The following NAV1 variants were observed in gnomAD, a reference collection of about 807,000 sequenced individuals.
NAV1 encodes pore membrane and/or filament interacting like protein 3.
In NAV1, 18 loss-of-function variants were observed where a neutral mutation model predicts 175.2. The observed-to-expected ratio is 0.10, with a 90% CI of 0.07 to 0.15. NAV1 has a LOEUF of 0.15. NAV1 is among the 10% of genes least tolerant of loss of function. NAV1 has a pLI of 1.00. For synonymous variants in NAV1, 897 were observed against 978.7 expected (o/e 0.92, Z 1.56); for missense variants, 1,731 against 2,436.6 (o/e 0.71, Z 6.10).
rs1678398694 is a variant in NAV1, at chr1:201,807,831, T to A, written c.3649-122T>A. 1.1e-6 allele frequency: 1 copy of A among 883,966 alleles called. No individual in the cohort carries two copies. The highest frequency in any genetic ancestry group is 1.7e-5 in the African/African-American group (1 of 59,774). The allele number at this position is 883,966 out of a possible 1,614,324, so 54.8% of individuals were successfully genotyped here. A position where few individuals can be genotyped will look rare whatever the true frequency, so the allele number is the denominator to read the frequency against. Reference sequence around the variant, plus strand: ...GAATCAAGTGAAGTGTTATAGAGGGTGGCTTAATTAAAGTAAATCCCCCGC... The same window carrying A: ...GAATCAAGTGAAGTGTTATAGAGGGAGGCTTAATTAAAGTAAATCCCCCGC... On this transcript the variant is annotated intron_variant, in intron 17 of 29. Transcript: ENST00000367296. This position sits in a 1 kb window ranked among gnomAD's most constrained non-coding sequence, Gnocchi z 5.4.
chr1:201,781,015 C>A, exon 5 of NAV1: 8 of 1,607,242 alleles, frequency 5.0e-6, no homozygotes, highest in Non-Finnish European at 5.9e-6. Flanking sequence ...TCTTTAGCTA[C>A]GCACAGACTC....
chr1:201,649,545 C>G (rs1669106206), intron 1 of NAV1, 120 bp downstream of exon 5: 3 of 1,411,278 alleles, frequency 2.1e-6, no homozygotes, highest in South Asian at 3.0e-5. Context: ...CTCCTGTTCA[C>G]GATCAGGCTG....
At chr1:201,635,680 G>A (rs963220245) in intron 2 of NAV1, among the ~76,000 whole-genome samples, 1 of 152,174 alleles carries the variant, frequency 6.6e-6, no homozygotes, top group African/African-American at 2.4e-5. Flanking sequence ...ACTTTCCCCT[G>A]TAGTTTTCCT....
intron 3 of NAV1, among the ~76,000 whole-genome samples, chr1:201,765,300 C>T (rs1393857042): frequency 3.3e-5 from 5 of 150,248 alleles, no homozygotes; most frequent in African/African-American, 1.2e-4. Context: ...TCTATTATTT[C>T]AGCATCGAAC....
At chr1:201,760,806 C>T (rs967058228) in intron 3 of NAV1, among the ~76,000 whole-genome samples, 4 of 152,104 alleles carry the variant, frequency 2.6e-5, no homozygotes, top group African/African-American at 9.7e-5. Flanking sequence ...TGAATAGATC[C>T]TCCCACATGC....
chr1:201,813,773 G>A lies in NAV1; in HGVS notation c.5340+515G>A, dbSNP rs1558195412. ...AAAAGATTTTTAAAAGTTAGAATAA[G>A]GAGACCGGGCGTGGTGGGTCATGCC... On this transcript the variant is annotated intron_variant, in intron 28 of 29. Transcript: ENST00000367296. The surrounding 1 kb of genome is among the most constrained non-coding windows in gnomAD (Gnocchi z 4.2). Among the ~76,000 whole-genome samples, 1 of 152,110 alleles carries A rather than the reference G, an allele frequency of 6.6e-6. No homozygotes were observed. The highest frequency in any genetic ancestry group is 1.5e-5 in the Non-Finnish European group (1 of 68,018).
chr1:201,570,920 G>A (rs775195809), intron 1 of NAV1, among the ~76,000 whole-genome samples: 5 of 152,308 alleles, frequency 3.3e-5, no homozygotes, highest in Admixed American at 1.3e-4. Context: ...GACCCTGGTC[G>A]CTCATTGCTA....
chr1:201,593,074 G>A (rs536296776), intron 2 of NAV1, among the ~76,000 whole-genome samples: 1 of 152,302 alleles, frequency 6.6e-6, no homozygotes, highest in East Asian at 1.9e-4. Flanking sequence ...CAGACACCAA[G>A]CAGTGTTGCC....
intron 1 of NAV1, among the ~76,000 whole-genome samples, chr1:201,704,385 T>C (rs775987022): frequency 2.6e-5 from 4 of 152,196 alleles, no homozygotes; most frequent in Non-Finnish European, 5.9e-5. Flanking sequence ...CGCCCCCTTG[T>C]GGCCATTCTC....
chr1:201,689,897 C>T (rs1299313234), intron 1 of NAV1, among the ~76,000 whole-genome samples: 1 of 151,792 alleles, frequency 6.6e-6, no homozygotes, highest in African/African-American at 2.4e-5. Context: ...TGGCAGAGTG[C>T]TGGCTATTTC....
chr1:201,805,057 C>T (rs1263583636), intron 17 of NAV1, among the ~76,000 whole-genome samples: 1 of 152,124 alleles, frequency 6.6e-6, no homozygotes, highest in Non-Finnish European at 1.5e-5. Flanking sequence ...ATGGAGTTCC[C>T]AAAGACATTT....
intron 1 of NAV1, among the ~76,000 whole-genome samples, chr1:201,578,817 T>C (rs1666765948): frequency 6.6e-6 from 1 of 152,130 alleles, no homozygotes; most frequent in Non-Finnish European, 1.5e-5. Context: ...ATTCAAACTT[T>C]ATCATTGAAC....
At chr1:201,562,789 G>A (rs1050029684) in intron 1 of NAV1, among the ~76,000 whole-genome samples, 1 of 152,106 alleles carries the variant, frequency 6.6e-6, no homozygotes, top group East Asian at 1.9e-4. Flanking sequence ...TGGATGGAAG[G>A]GAGCAGGCAG....
At chr1:201,671,702 C>CT (rs1203746282) in intron 1 of NAV1, among the ~76,000 whole-genome samples, 1 of 152,192 alleles carries the variant, frequency 6.6e-6, no homozygotes, top group Non-Finnish European at 1.5e-5. Flanking sequence ...CACGCTGGGT[C>CT]TCTAGGCAGT....
chr1:201,573,510 T>A (rs1666607427), intron 1 of NAV1, among the ~76,000 whole-genome samples: 1 of 152,150 alleles, frequency 6.6e-6, no homozygotes, highest in African/African-American at 2.4e-5. Flanking sequence ...GACAGAGAGC[T>A]TTGTCCCCTC....
rs1678729704 is a variant in NAV1 at position 201,812,126 on chromosome 1, G to A, written c.5024+152G>A. Reference sequence around the variant, plus strand: ...GAAAGTAGATGTATTTGTCATGTCAGTTACAAGGTGGAGGAGGACACTTGA... The same window carrying A: ...GAAAGTAGATGTATTTGTCATGTCAATTACAAGGTGGAGGAGGACACTTGA... On this transcript the variant is annotated intron_variant, in intron 26 of 29. Transcript: ENST00000367296. The surrounding 1 kb of genome is among the most constrained non-coding windows in gnomAD (Gnocchi z 4.6). 1.3e-6 allele frequency: 1 copy of A among 786,328 alleles called. No individual in the cohort carries two copies. Among genetic ancestry groups the A allele is most frequent in the African/African-American group, 1.7e-5 (1 of 57,978 alleles). The allele number at this position is 786,328 out of a possible 1,614,324, so 48.7% of individuals were successfully genotyped here. A position where few individuals can be genotyped will look rare whatever the true frequency, so the allele number is the denominator to read the frequency against.
At chr1:201,617,581 C>T (rs1668042301) in intron 2 of NAV1, among the ~76,000 whole-genome samples, 1 of 152,106 alleles carries the variant, frequency 6.6e-6, no homozygotes, top group East Asian at 1.9e-4. Flanking sequence ...AAAAAATTAG[C>T]CCAGTGTGGT....
chr1:201,676,542 CG>C (rs1044786102), intron 1 of NAV1, among the ~76,000 whole-genome samples: 2 of 151,688 alleles, frequency 1.3e-5, no homozygotes, highest in African/African-American at 4.9e-5. Flanking sequence ...GCGAGGGAAG[CG>C]GCTGGGGAGA....
At chr1:201,698,343 A>G (rs1042733528) in intron 1 of NAV1, among the ~76,000 whole-genome samples, 5 of 152,054 alleles carry the variant, frequency 3.3e-5, no homozygotes, top group African/African-American at 1.2e-4. Context: ...GCACATGCCA[A>G]CCTCTTGGCT....
Sources: gnomAD v4.1 joint callset for allele counts (sites outside exome capture counted in the v4.1 genomes callset) on GRCh38, gnomAD v4.1.1 for gene constraint, Gnocchi (gnomAD v3.1) non-coding constraint, MANE v1.5 for transcripts, NCBI Gene and HGNC (gene_info 2026-07-23, HGNC 2026-07-21) for gene names.